Variants in EHBP1 observed in about 807,000 individuals in gnomAD.
EHBP1 encodes EH domain binding protein 1, also known as EH domain-binding protein 1.
EHBP1 carries 55 observed loss-of-function variants against 144.0 expected under a neutral mutation model. That is an observed-to-expected ratio of 0.38 (90% CI 0.31 to 0.48). The LOEUF (loss-of-function observed/expected upper bound fraction) is 0.48. Among genes scored for constraint, EHBP1 ranks in the 20% least tolerant of loss-of-function variants. EHBP1 has a pLI of 0.98. For synonymous variants in EHBP1, 469 were observed against 472.7 expected, an observed-to-expected ratio of 0.99 and a Z score of 0.10; for missense variants, 1,200 against 1,364.2, an observed-to-expected ratio of 0.88 and a Z score of 1.90.
At chr2:62,737,666 A>G (rs2038283069) in intron 2 of EHBP1, among the ~76,000 whole-genome samples, 2 of 152,158 alleles carry the variant, frequency 1.3e-5, no homozygotes, top group Admixed American at 1.3e-4. Flanking sequence ...CTTTTGAGGA[A>G]CTGCCAGACT....
Position 62,901,848 on chromosome 2 carries a change from C to G in EHBP1, c.1185+27316C>G, listed in dbSNP as rs2053441593. 1.3e-5 allele frequency among the ~76,000 whole-genome samples: 2 copies of G among 151,768 alleles called. 1 individual carries two copies. The highest frequency in any genetic ancestry group is 4.2e-4 in the South Asian group (2 of 4,808). On this transcript the variant is annotated intron_variant, in intron 10 of 22. Transcript: ENST00000431489. ...GGGCGTGGCAGCGATTCCTGACGTC[C>G]CAGCTGCTTGGGAGGCTGAGGTAGG... is the stretch of plus-strand genomic sequence containing the variant.
rs955013568 is a variant in EHBP1, at chr2:62,942,745, G to A, written c.1213G>A (p.Gly405Arg). The A allele has an allele frequency of 1.9e-6, 3 of 1,607,146 alleles. No homozygotes were observed. Among genetic ancestry groups the A allele is most frequent in the Non-Finnish European group, 2.6e-6 (3 of 1,175,826 alleles). The part of the protein sequence containing the change: ...KPSPIPSPVL[G>R]RKPNASQSLL... ...AAGCCCTATACCAAGTCCTGTTTTG[G>A]GGCGAAAGCCAAATGCTAGTCAGTC... Residue 405 changes from glycine (G) to arginine (R), a missense_variant, in exon 11 of 23, where the codon GGG (glycine) becomes AGG (arginine). Around this residue, in one of 6 missense-constraint regions of EHBP1, gnomAD observed 266 missense variants for 262.4 expected, o/e 1.01. Coordinates refer to ENST00000431489, the MANE Select transcript of EHBP1 (RefSeq NM_001142616.3).
rs780017869 is a variant in EHBP1 at position 62,764,221 on chromosome 2, C to A, written c.163-45C>A. 24 of 1,312,108 alleles carry A rather than the reference C, an allele frequency of 1.8e-5. No individual in the cohort carries two copies. In the African/African-American group the frequency reaches 3.2e-4, roughly 18 times the overall value. The allele number at this position is 1,312,108 out of a possible 1,614,324, so 81.3% of individuals were successfully genotyped here. Reference sequence around the variant, plus strand: ...TTATTCTGGTAAATTACTAACATTGCATTTCCCATACTTCATATTGAAGGT... The same window carrying A: ...TTATTCTGGTAAATTACTAACATTGAATTTCCCATACTTCATATTGAAGGT... On this transcript the variant is annotated intron_variant, in intron 3 of 22. Transcript: ENST00000431489.
chr2:62,856,351 C>T (rs2049054650), intron 7 of EHBP1, among the ~76,000 whole-genome samples: 1 of 152,242 alleles, frequency 6.6e-6, no homozygotes, highest in Non-Finnish European at 1.5e-5. Flanking sequence ...CTCCAAGCTT[C>T]CAGGTGCCAC....
At chr2:62,751,505 A>C (rs1196463490) in intron 3 of EHBP1, among the ~76,000 whole-genome samples, 4 of 152,066 alleles carry the variant, frequency 2.6e-5, no homozygotes, top group Admixed American at 2.0e-4. Flanking sequence ...TCATAAAGTG[A>C]GTTAGGGAGG....
At chr2:62,935,344 A>ATATAT (rs1553479001) in intron 10 of EHBP1, among the ~76,000 whole-genome samples, 68 of 121,474 alleles carry the variant, frequency 5.6e-4, no homozygotes, top group Non-Finnish European at 8.4e-4. Flanking sequence ...AAAAAAAAAA[A>ATATAT]ATATATATAT....
intron 2 of EHBP1, among the ~76,000 whole-genome samples, chr2:62,719,605 A>G (rs1437310116): frequency 6.6e-6 from 1 of 152,238 alleles, no homozygotes; most frequent in Non-Finnish European, 1.5e-5. Context: ...TTCTGCATCT[A>G]TGGATTCAAC....
intron 1 of EHBP1, among the ~76,000 whole-genome samples, chr2:62,680,314 C>T (rs2033467137): frequency 6.6e-6 from 1 of 152,186 alleles, no homozygotes; most frequent in African/African-American, 2.4e-5. Context: ...TCCCCTGTTC[C>T]TCAAGTTATT....
chr2:62,810,419 T>C (rs2152529392), intron 5 of EHBP1, among the ~76,000 whole-genome samples: 1 of 151,974 alleles, frequency 6.6e-6, no homozygotes, highest in South Asian at 2.1e-4. Context: ...GGAAGAAGAG[T>C]CCAGATTCTG....
chr2:62,734,333 AC>A (rs1325058126), intron 2 of EHBP1, among the ~76,000 whole-genome samples: 11 of 151,172 alleles, frequency 7.3e-5, no homozygotes, highest in South Asian at 4.2e-4. Flanking sequence ...TTTAAAAAAA[AC>A]ATTTTAACAT....
At chr2:63,011,488 A>G (rs1388406043) in intron 19 of EHBP1, among the ~76,000 whole-genome samples, 2 of 151,944 alleles carry the variant, frequency 1.3e-5, no homozygotes, top group Non-Finnish European at 2.9e-5. Context: ...TCCAAGTGTA[A>G]TGTGCTTTAA....
At chr2:62,851,847 C>G (rs1439946330) in intron 7 of EHBP1, among the ~76,000 whole-genome samples, 1 of 151,724 alleles carries the variant, frequency 6.6e-6, no homozygotes, top group Non-Finnish European at 1.5e-5. Context: ...GTGGAAACTA[C>G]TAGGACAGTT....
chr2:62,819,992 C>T (rs2045779329), intron 5 of EHBP1, among the ~76,000 whole-genome samples: 2 of 150,830 alleles, frequency 1.3e-5, no homozygotes, highest in East Asian at 2.0e-4. Context: ...GGGCAGATCA[C>T]CTGAGGTCAG....
chr2:62,894,633 T>TA (rs2052731110), intron 10 of EHBP1, among the ~76,000 whole-genome samples: 1 of 152,150 alleles, frequency 6.6e-6, no homozygotes, highest in Admixed American at 6.5e-5. Flanking sequence ...TACCTGGACA[T>TA]AAAAATGGAA....
chr2:62,736,144 T>C (rs1186934308), intron 2 of EHBP1, among the ~76,000 whole-genome samples: 2 of 151,936 alleles, frequency 1.3e-5, no homozygotes. Context: ...TTCTATTATG[T>C]GTAGTGACAT....
chr2:62,832,663 T>C (rs1019735090), intron 7 of EHBP1, among the ~76,000 whole-genome samples: 9 of 152,168 alleles, frequency 5.9e-5, no homozygotes, highest in African/African-American at 1.9e-4. Context: ...ATGTTACTAT[T>C]GTAATTATTT....
chr2:62,852,383 C>G lies in EHBP1; in HGVS notation c.635-6786C>G, dbSNP rs962725139. Among the ~76,000 whole-genome samples the G allele has an allele frequency of 1.9e-4, 29 of 151,912 alleles. 1 individual carries two copies. The highest frequency in any genetic ancestry group is 1.6e-3 in the Admixed American group (25 of 15,242). ...AGCTGATTGTGGATGCAAAGCCTTTCCTACTGCTTCATAATTAACTGCTAT... is the reference window on the plus strand; with the variant it reads ...AGCTGATTGTGGATGCAAAGCCTTTGCTACTGCTTCATAATTAACTGCTAT... On this transcript the variant is annotated intron_variant, in intron 7 of 22. Coordinates refer to ENST00000431489, the MANE Select transcript of EHBP1 (RefSeq NM_001142616.3).
chr2:62,986,835 T>C (rs2710647), intron 15 of EHBP1, among the ~76,000 whole-genome samples: 79,606 of 151,960 alleles, frequency 0.52, 21,081 homozygotes, highest in East Asian at 0.69. Flanking sequence ...TTAATGCTCA[T>C]AGTAAGCATT....
chr2:62,809,589 A>G (rs1006784112), intron 5 of EHBP1, among the ~76,000 whole-genome samples: 3 of 152,080 alleles, frequency 2.0e-5, no homozygotes, highest in Non-Finnish European at 4.4e-5. Flanking sequence ...GGTTTGGGGT[A>G]TGGATCCTGT....
Sources: allele counts gnomAD v4.1 joint callset (sites outside exome capture counted in the v4.1 genomes callset), GRCh38; gene constraint gnomAD v4.1.1; regional missense constraint gnomAD v4.1.1; transcripts MANE v1.5; gene names NCBI Gene and HGNC (gene_info 2026-07-23, HGNC 2026-07-21).